The following CHD6 variants were observed in gnomAD, a reference collection of about 807,000 sequenced individuals.
CHD6 encodes the protein ATP-dependent chromatin remodeler CHD6.
Under a neutral mutation model 276.9 loss-of-function variants are expected in CHD6, and 50 were observed. The observed-to-expected ratio is 0.18, with a 90% confidence interval of 0.14 to 0.23. CHD6 has a LOEUF of 0.23. CHD6 is among the 10% of genes least tolerant of loss of function. The probability of loss-of-function intolerance (pLI) is 1.00; values close to 1 mark genes in which losing one functional copy is unlikely to be tolerated. For synonymous variants in CHD6, 1,173 were observed against 1,229.3 expected (o/e 0.95, Z 0.96); for missense variants, 2,564 against 3,365.8 (o/e 0.76, Z 5.89).
intron 36 of CHD6, among the ~76,000 whole-genome samples, chr20:41,407,829 C>T (rs978613066): frequency 3.9e-5 from 6 of 152,146 alleles, no homozygotes; most frequent in Non-Finnish European, 7.4e-5. Flanking sequence ...CAGAAGAGTG[C>T]GAGACGCCAC....
At chr20:41,565,876 A>G (rs2045350059) in intron 1 of CHD6, among the ~76,000 whole-genome samples, 1 of 152,226 alleles carries the variant, frequency 6.6e-6, no homozygotes, top group Non-Finnish European at 1.5e-5. Context: ...CCAATGATAA[A>G]TATCATTCTA....
intron 20 of CHD6, 65 bp from the exon 21 acceptor site, chr20:41,453,007 G>C: frequency 7.7e-7 from 1 of 1,306,156 alleles, no homozygotes; most frequent in South Asian, 1.2e-5. Context: ...CAAAGCATAA[G>C]TGTATCCTCA....
chr20:41,605,850 A>G (rs1440753176), intron 1 of CHD6, among the ~76,000 whole-genome samples: 3 of 152,344 alleles, frequency 2.0e-5, no homozygotes, highest in Non-Finnish European at 4.4e-5. Context: ...GAAAATATCC[A>G]AAGTACTCAA....
Position 41,451,038 on chromosome 20 carries a change from C to T in CHD6, c.3591G>A (p.Glu1197=). Residue 1197 remains glutamate (E), a synonymous_variant, in exon 23 of 37, where the codon GAG becomes GAA. Transcript: ENST00000373233. ...KKTKNQLLIP[E]LKDADWLATC... The stretch of plus-strand genomic sequence containing the variant: ...TGGCTAGCCAATCTGCATCCTTTAG[C>T]TCTGGGATTAGCAACTGGTTCTTCG... The T allele has an allele frequency of 6.2e-7, 1 of 1,613,998 alleles. No homozygotes were observed. Among genetic ancestry groups the T allele is most frequent in the South Asian group, 1.1e-5 (1 of 91,064 alleles).
intron 31 of CHD6, among the ~76,000 whole-genome samples, chr20:41,418,828 C>T (rs1193859735): frequency 1.3e-5 from 2 of 152,146 alleles, no homozygotes; most frequent in Admixed American, 6.5e-5. Flanking sequence ...AAGGGACTCC[C>T]ACCCACGCGT....
chr20:41,417,911 C>G (rs1244465327), intron 31 of CHD6, among the ~76,000 whole-genome samples: 2 of 152,216 alleles, frequency 1.3e-5, no homozygotes, highest in Admixed American at 1.3e-4. Context: ...TTCTTTCAAG[C>G]TTCAGTAATG....
At chr20:41,597,012 AGCCCCCACTCACTAG>A (rs899509300) in intron 1 of CHD6, among the ~76,000 whole-genome samples, 1 of 152,210 alleles carries the variant, frequency 6.6e-6, no homozygotes, top group African/African-American at 2.4e-5. Flanking sequence ...AAAGAACTTA[AGCCCCCACTCACTAG>A]GCCATATAAA....
rs758540592 is a variant in CHD6, at chr20:41,499,301, G to T, written c.909C>A (p.Val303=). ...IIEKILASKT[V]QEVHPGEPPF... is the part of the protein sequence containing the mutation. ...AGAAACATGAGCCACCAACCTCCTG[G>T]ACAGTCTTAGATGCCAGGATCTTCT... is the stretch of plus-strand genomic sequence containing the variant. Residue 303 remains valine, a synonymous_variant, in exon 6 of 37, where the codon GTC becomes GTA. Coordinates refer to ENST00000373233, the MANE Select transcript of CHD6 (RefSeq NM_032221.5). 1.5e-5 allele frequency: 24 copies of T among 1,606,718 alleles called. No individual in the cohort carries two copies. Among genetic ancestry groups the T allele is most frequent in the Non-Finnish European group, 1.8e-5 (21 of 1,176,174 alleles).
At position 41,473,232 on chromosome 20, in the gene CHD6, T is replaced by A; in HGVS notation, c.2664+90A>T. On this transcript the variant is annotated intron_variant, in intron 17 of 36. Coordinates refer to ENST00000373233, the MANE Select transcript of CHD6 (RefSeq NM_032221.5). This position sits in a 1 kb window ranked among gnomAD's most constrained non-coding sequence, Gnocchi z 4.1. The stretch of plus-strand genomic sequence containing the variant: ...CCAGCTGACACCATAGCATAGAGCA[T>A]CACGGATGCTCTGTAGCCAAGCCAG... 1 of 1,246,502 alleles carries A rather than the reference T, an allele frequency of 8.0e-7. No homozygotes were observed. The allele number at this position is 1,246,502 out of a possible 1,614,324, so 77.2% of individuals were successfully genotyped here. A position where few individuals can be genotyped will look rare whatever the true frequency, so the allele number is the denominator to read the frequency against.
At chr20:41,444,480 C>T (rs996026439) in intron 25 of CHD6, among the ~76,000 whole-genome samples, 10 of 152,282 alleles carry the variant, frequency 6.6e-5, no homozygotes, top group South Asian at 2.1e-4. Context: ...AGCCTAACCC[C>T]GGCGGTTTGA....
intron 1 of CHD6, among the ~76,000 whole-genome samples, chr20:41,572,566 T>C (rs1044010193): frequency 5.3e-5 from 8 of 152,202 alleles, no homozygotes; most frequent in East Asian, 1.9e-4. Context: ...GCCTGGCTCA[T>C]CTGGAACCCA....
chr20:41,415,225 G>A lies in CHD6; in HGVS notation c.6900C>T (p.Leu2300=), dbSNP rs747453512. Residue 2300 remains leucine (L), a synonymous_variant, in exon 34 of 37, where the codon CTC becomes CTT. Coordinates refer to ENST00000373233, the MANE Select transcript of CHD6 (RefSeq NM_032221.5). ...GAAGTGTCTGCTCCTTCAAAAAGAT[G>A]AGGTCCATCCCTCCTTCAACATGTT... ...RRKHVEGGMD[L]IFLKEQTLQA... The A allele has an allele frequency of 2.5e-6, 4 of 1,613,718 alleles. No individual in the cohort carries two copies. The South Asian group carries it at 3.3e-5, about 13-fold the overall frequency.
chr20:41,599,062 T>G (rs965901720), intron 1 of CHD6, among the ~76,000 whole-genome samples: 4 of 152,242 alleles, frequency 2.6e-5, no homozygotes. Flanking sequence ...CAATCTATAT[T>G]GTTCTCATGG....
chr20:41,504,733 A>C (rs1189873018), intron 5 of CHD6, among the ~76,000 whole-genome samples: 2 of 152,092 alleles, frequency 1.3e-5, no homozygotes, highest in African/African-American at 4.8e-5. Context: ...TTAACATTTT[A>C]ATCATAGTTA....
At chr20:41,564,912 C>T in intron 1 of CHD6, among the ~76,000 whole-genome samples, 1 of 151,954 alleles carries the variant, frequency 6.6e-6, no homozygotes, top group East Asian at 1.9e-4. Context: ...TTGAAGATTT[C>T]TGAGAAAAGG....
chr20:41,507,326 T>C (rs942089621), intron 5 of CHD6, among the ~76,000 whole-genome samples: 2 of 152,126 alleles, frequency 1.3e-5, no homozygotes, highest in African/African-American at 4.8e-5. Context: ...AAGTCAGGGT[T>C]TAAACACTCT....
intron 1 of CHD6, among the ~76,000 whole-genome samples, chr20:41,605,409 C>A (rs1207174407): frequency 6.6e-6 from 1 of 152,124 alleles, no homozygotes; most frequent in Non-Finnish European, 1.5e-5. Flanking sequence ...ATACTATTCC[C>A]ATTCACAAAT....
intron 23 of CHD6, among the ~76,000 whole-genome samples, chr20:41,450,119 GA>G (rs201379078): frequency 1.3e-5 from 2 of 151,478 alleles, no homozygotes; most frequent in Non-Finnish European, 2.9e-5. Context: ...ATCTGTAAAA[GA>G]AAAAAAACAA....
At chr20:41,553,956 C>T (rs1342442197) in intron 1 of CHD6, among the ~76,000 whole-genome samples, 2 of 152,136 alleles carry the variant, frequency 1.3e-5, no homozygotes, top group Admixed American at 6.5e-5. Context: ...TTGTGACCAG[C>T]CTGGGCAACA....
Sources: gnomAD v4.1 joint callset for allele counts (sites outside exome capture counted in the v4.1 genomes callset) on GRCh38, gnomAD v4.1.1 for gene constraint, Gnocchi (gnomAD v3.1) non-coding constraint, MANE v1.5 for transcripts, NCBI Gene and HGNC (gene_info 2026-07-23, HGNC 2026-07-21) for gene names.